The following GPHN variants were observed in gnomAD, a reference collection of about 807,000 sequenced individuals.
The protein encoded by GPHN is gephyrin.
A neutral mutation model predicts 95.5 loss-of-function variants in GPHN; 17 were observed. That is an observed-to-expected ratio of 0.18 (90% CI 0.12 to 0.27). GPHN has a LOEUF of 0.27. Ranked by LOEUF, GPHN falls within the 10% of genes least tolerant of loss-of-function variation. GPHN has a pLI of 1.00. For synonymous variants in GPHN, 320 were observed against 322.5 expected (o/e 0.99, Z 0.08); for missense variants, 660 against 978.1 (o/e 0.67, Z 4.34).
intron 9 of GPHN, among the ~76,000 whole-genome samples, chr14:67,018,775 T>C (rs1386457359): frequency 6.6e-6 from 1 of 152,198 alleles, no homozygotes; most frequent in Non-Finnish European, 1.5e-5. Flanking sequence ...TTATTTTCAT[T>C]TTTATAGCTT....
chr14:67,482,379 G>A, the GPHN span, among the ~76,000 whole-genome samples: 1 of 152,222 alleles, frequency 6.6e-6, no homozygotes, highest in Non-Finnish European at 1.5e-5. Flanking sequence ...GTTTCAGGGG[G>A]CTAAGGTGCC....
the GPHN span, chr14:67,583,864 G>C: frequency 6.2e-7 from 1 of 1,613,706 alleles, no homozygotes. Context: ...TAGACATGGG[G>C]CCCCCGCTGA....
At chr14:67,175,998 A>C (rs1308952525) in intron 21 of GPHN, among the ~76,000 whole-genome samples, 1 of 152,096 alleles carries the variant, frequency 6.6e-6, no homozygotes, top group Non-Finnish European at 1.5e-5. Flanking sequence ...GGGTTTTCTA[A>C]ATATACAATC....
At chr14:67,689,171 T>C in the GPHN span, among the ~76,000 whole-genome samples, 1 of 152,242 alleles carries the variant, frequency 6.6e-6, no homozygotes, top group Non-Finnish European at 1.5e-5. Context: ...TGATAAAAGA[T>C]GTCATGCCCT....
chr14:66,591,070 A>T (rs2061621961), intron 1 of GPHN, among the ~76,000 whole-genome samples: 1 of 152,232 alleles, frequency 6.6e-6, no homozygotes, highest in South Asian at 2.1e-4. Flanking sequence ...TGATTATCTC[A>T]ATAGATGCAG....
chr14:67,635,990 T>C, the GPHN span, among the ~76,000 whole-genome samples: 2 of 152,210 alleles, frequency 1.3e-5, no homozygotes, highest in Non-Finnish European at 2.9e-5. Flanking sequence ...ATGCAGAGTC[T>C]TTGTTTTTCT....
In GPHN at chr14:66,681,168, C is replaced by T. The variant is rs751833125; in HGVS notation, c.126C>T (p.Leu42=). The T allele has an allele frequency of 1.0e-5, 16 of 1,585,100 alleles. No homozygotes were observed. The highest frequency in any genetic ancestry group is 1.9e-4 in the Middle Eastern group (1 of 5,262). Residue 42 remains leucine, a synonymous_variant, in exon 2 of 23, where the codon CTC becomes CTT. Transcript: ENST00000478722. The stretch of plus-strand genomic sequence containing the variant: ...GCAGTGGGATAAATCTCAAAGATCT[C>T]GTACAAGATCCTTCTTTGTGAGTAT... The part of the protein sequence containing the change: ...EDRSGINLKD[L]VQDPSLLGGT...
chr14:67,342,379 T>G, the GPHN span, among the ~76,000 whole-genome samples: 1 of 151,796 alleles, frequency 6.6e-6, no homozygotes, highest in Non-Finnish European at 1.5e-5. Flanking sequence ...ATGTGCTGAA[T>G]TCTATGAATA....
the GPHN span, chr14:67,692,805 C>T: frequency 1.6e-4 from 138 of 876,784 alleles, no homozygotes; most frequent in African/African-American, 2.2e-3. Context: ...AGTTTCAGAT[C>T]AGCAAATCAG....
chr14:67,241,396 G>T, the GPHN span: 1 of 154,982 alleles, frequency 6.5e-6, no homozygotes, highest in South Asian at 1.8e-4. Context: ...GCGGGGGCGG[G>T]GACTAAGGAT....
intron 5 of GPHN, among the ~76,000 whole-genome samples, chr14:66,883,218 C>T (rs1464027605): frequency 6.6e-6 from 1 of 151,706 alleles, no homozygotes; most frequent in Non-Finnish European, 1.5e-5. Context: ...ATCTTTTTTA[C>T]TCTGTATTAA....
At chr14:67,315,308 GCT>G in the GPHN span, among the ~76,000 whole-genome samples, 1 of 109,762 alleles carries the variant, frequency 9.1e-6, no homozygotes, top group Non-Finnish European at 1.7e-5. Context: ...ACAAAATCTC[GCT>G]CTGTCTCCCA....
chr14:66,940,098 C>T (rs1265688922), intron 8 of GPHN, among the ~76,000 whole-genome samples: 1 of 151,968 alleles, frequency 6.6e-6, no homozygotes, highest in African/African-American at 2.4e-5. Flanking sequence ...CCCCTGAGCT[C>T]AATCCTAAGC....
chr14:66,670,935 A>C (rs1362428044), intron 1 of GPHN, among the ~76,000 whole-genome samples: 3 of 152,232 alleles, frequency 2.0e-5, no homozygotes, highest in Non-Finnish European at 2.9e-5. Context: ...ATGAAATCAA[A>C]ATTTACTAAT....
chr14:67,094,098 G>A (rs1043996432), intron 12 of GPHN, among the ~76,000 whole-genome samples: 1 of 152,050 alleles, frequency 6.6e-6, no homozygotes, highest in Non-Finnish European at 1.5e-5. Flanking sequence ...TAAATGACTA[G>A]CTATACAGTA....
intron 1 of GPHN, among the ~76,000 whole-genome samples, chr14:66,638,454 C>T (rs892277689): frequency 1.3e-5 from 2 of 151,812 alleles, no homozygotes; most frequent in South Asian, 2.1e-4. Context: ...AGAACAACAA[C>T]GACAACAACA....
the GPHN span, chr14:67,611,110 G>C: frequency 0.43 from 66,011 of 154,256 alleles, 18,079 homozygotes; most frequent in African/African-American, 0.79. Flanking sequence ...AGGAGCTCTA[G>C]ACTAACGCCA....
chr14:66,695,884 G>A (rs2068071972), intron 2 of GPHN, among the ~76,000 whole-genome samples: 1 of 152,156 alleles, frequency 6.6e-6, no homozygotes, highest in East Asian at 1.9e-4. Flanking sequence ...AGAGTACAGA[G>A]GATTTTTAGG....
At chr14:67,302,270 A>G in the GPHN span, 1 of 1,050,422 alleles carries the variant, frequency 9.5e-7, no homozygotes, top group South Asian at 2.9e-5. Context: ...AATTACAATT[A>G]CTCTAGTTGT....
Sources: gnomAD v4.1 joint callset for allele counts (sites outside exome capture counted in the v4.1 genomes callset) on GRCh38, gnomAD v4.1.1 for gene constraint, MANE v1.5 for transcripts, NCBI Gene and HGNC (gene_info 2026-07-23, HGNC 2026-07-21) for gene names.